Variants in TNR observed in about 807,000 individuals in gnomAD.
The protein encoded by TNR is tenascin R.
Under a neutral mutation model 150.4 loss-of-function variants are expected in TNR, and 45 were observed. The ratio of observed to expected loss-of-function variants is 0.30; its 90% CI spans 0.24 to 0.38. The LOEUF (loss-of-function observed/expected upper bound fraction) is 0.38, where lower values mean the gene tolerates loss of function less well. TNR is among the 10% of genes least tolerant of loss of function. The pLI is 1.00. For synonymous variants in TNR, 687 were observed against 678.4 expected, an observed-to-expected ratio of 1.01 and a Z score of -0.20; for missense variants, 1,544 against 1,759.1, an observed-to-expected ratio of 0.88 and a Z score of 2.19.
chr1:175,398,383 T>C (rs1268530573), intron 4 of TNR, among the ~76,000 whole-genome samples: 1 of 152,192 alleles, frequency 6.6e-6, no homozygotes, highest in African/African-American at 2.4e-5. Context: ...ACTCAAGAAG[T>C]GTAAACGAAA....
At chr1:175,415,017 C>G (rs781594531) in intron 2 of TNR, among the ~76,000 whole-genome samples, 3 of 151,596 alleles carry the variant, frequency 2.0e-5, no homozygotes, top group Non-Finnish European at 4.4e-5. Flanking sequence ...GAAGTGACCT[C>G]CTGGGGTTGG....
At chr1:175,642,072 T>C (rs984746107) in intron 1 of TNR, among the ~76,000 whole-genome samples, 1 of 152,048 alleles carries the variant, frequency 6.6e-6, no homozygotes, top group Non-Finnish European at 1.5e-5. Context: ...ATATCATCCT[T>C]TAAGGACACT....
At chr1:175,485,071 C>A (rs1269072664) in intron 2 of TNR, among the ~76,000 whole-genome samples, 3 of 152,152 alleles carry the variant, frequency 2.0e-5, no homozygotes, top group Admixed American at 2.0e-4. Context: ...TCAGCTAAGA[C>A]AAATGTCTTC....
chr1:175,512,015 T>C (rs932856123), intron 2 of TNR, among the ~76,000 whole-genome samples: 3 of 152,232 alleles, frequency 2.0e-5, no homozygotes, highest in Non-Finnish European at 4.4e-5. Flanking sequence ...ATAGGATGAT[T>C]GAGATAGAAT....
intron 20 of TNR, among the ~76,000 whole-genome samples, chr1:175,331,150 T>TC (rs1649874946): frequency 7.0e-6 from 1 of 143,112 alleles, no homozygotes; most frequent in African/African-American, 2.7e-5. Context: ...TTTCTTCCTT[T>TC]CTTTCTTTTT....
At chr1:175,469,022 G>A (rs1025654974) in intron 2 of TNR, among the ~76,000 whole-genome samples, 3 of 152,144 alleles carry the variant, frequency 2.0e-5, no homozygotes, top group Non-Finnish European at 2.9e-5. Flanking sequence ...ATAGGCCTGA[G>A]GGAGGAGTCA....
chr1:175,466,363 G>A (rs75532212), intron 2 of TNR, among the ~76,000 whole-genome samples: 6,718 of 152,216 alleles, frequency 0.044, 263 homozygotes, highest in African/African-American at 0.1. Context: ...AAGACCCCTT[G>A]TTCCCCAGTT....
chr1:175,466,471 C>T (rs771869841), intron 2 of TNR, among the ~76,000 whole-genome samples: 6 of 152,220 alleles, frequency 3.9e-5, no homozygotes, highest in Non-Finnish European at 7.3e-5. Flanking sequence ...GATTTGTGTG[C>T]TGCTGACCCA....
At chr1:175,371,994 G>T (rs999436174) in intron 9 of TNR, among the ~76,000 whole-genome samples, 4 of 152,272 alleles carry the variant, frequency 2.6e-5, no homozygotes, top group South Asian at 2.1e-4. Context: ...GGAGGTGTTT[G>T]GGTCATGGGG....
At chr1:175,677,906 T>C (rs1665911659) in intron 1 of TNR, among the ~76,000 whole-genome samples, 1 of 151,180 alleles carries the variant, frequency 6.6e-6, no homozygotes, top group African/African-American at 2.4e-5. Context: ...AGATCAAGAA[T>C]GACAGAGAGA....
At chr1:175,323,859 G>A (rs1184359348) in intron 22 of TNR, among the ~76,000 whole-genome samples, 1 of 152,148 alleles carries the variant, frequency 6.6e-6, no homozygotes, top group South Asian at 2.1e-4. Context: ...TTCTACCTAG[G>A]GTGACAAACC....
chr1:175,431,635 C>CTTTTTTTT, intron 2 of TNR, among the ~76,000 whole-genome samples: 1 of 143,094 alleles, frequency 7.0e-6, no homozygotes, highest in Non-Finnish European at 1.5e-5. Flanking sequence ...CTGACAATAA[C>CTTTTTTTT]TTTTTTTTTT....
intron 2 of TNR, among the ~76,000 whole-genome samples, chr1:175,491,328 C>T (rs1658237250): frequency 6.6e-6 from 1 of 152,148 alleles, no homozygotes; most frequent in Admixed American, 6.5e-5. Flanking sequence ...CACCTATTTA[C>T]CTATGAAACA....
intron 1 of TNR, among the ~76,000 whole-genome samples, chr1:175,631,114 T>C (rs1280573052): frequency 1.3e-5 from 2 of 152,198 alleles, no homozygotes; most frequent in Non-Finnish European, 1.5e-5. Flanking sequence ...AAATAAAAAA[T>C]GCCCAAGTCC....
intron 1 of TNR, among the ~76,000 whole-genome samples, chr1:175,575,150 T>G (rs1662049033): frequency 6.6e-6 from 1 of 152,222 alleles, no homozygotes; most frequent in African/African-American, 2.4e-5. Flanking sequence ...CAAAGCTTTA[T>G]TTCATTGTCA....
intron 9 of TNR, among the ~76,000 whole-genome samples, chr1:175,373,387 C>CT (rs1418563600): frequency 6.6e-6 from 1 of 152,168 alleles, no homozygotes; most frequent in Non-Finnish European, 1.5e-5. Context: ...AGGCACCAAT[C>CT]TACTTTTTAG....
At chr1:175,684,630 C>G (rs908559469) in intron 1 of TNR, among the ~76,000 whole-genome samples, 8 of 152,146 alleles carry the variant, frequency 5.3e-5, no homozygotes, top group Non-Finnish European at 1.0e-4. Context: ...CTGCCACAAT[C>G]CAAAGAGACC....
intron 1 of TNR, among the ~76,000 whole-genome samples, chr1:175,723,524 A>G (rs1667396360): frequency 6.6e-6 from 1 of 152,216 alleles, no homozygotes; most frequent in Non-Finnish European, 1.5e-5. Context: ...ATGGATATTA[A>G]CTAAGTAGTC....
rs78257201 is a variant in TNR at position 175,610,259 on chromosome 1, C to G, written c.-164-81890G>C. Among the ~76,000 whole-genome samples the G allele has an allele frequency of 6.7e-3, 1,015 of 152,328 alleles. 5 individuals carry two copies. Among genetic ancestry groups the G allele is most frequent in the African/African-American group, 0.023 (961 of 41,580 alleles). ...CAGAGAAGGTTAAGAAATAACCCCCCTCTTTTGTTCTGGGAAATGGCTTAC... is the reference window on the plus strand; with the variant it reads ...CAGAGAAGGTTAAGAAATAACCCCCGTCTTTTGTTCTGGGAAATGGCTTAC... On this transcript the variant is annotated intron_variant, in intron 1 of 22. Coordinates refer to ENST00000367674, the MANE Select transcript of TNR (RefSeq NM_003285.3).
Sources: gnomAD v4.1 joint callset for allele counts (sites outside exome capture counted in the v4.1 genomes callset) on GRCh38, gnomAD v4.1.1 for gene constraint, MANE v1.5 for transcripts, NCBI Gene and HGNC (gene_info 2026-07-23, HGNC 2026-07-21) for gene names.